Variants in ZBTB7A observed in about 807,000 individuals in gnomAD.
The protein encoded by ZBTB7A is zinc finger and BTB domain-containing protein 7A.
A neutral mutation model predicts 26.7 loss-of-function variants in ZBTB7A; 7 were observed. That is an observed-to-expected ratio of 0.26 (90% CI 0.15 to 0.49). The LOEUF is 0.49. ZBTB7A is among the 20% of genes least tolerant of loss of function. The pLI, the probability that ZBTB7A is intolerant of heterozygous loss-of-function variation, is 0.98. For synonymous variants in ZBTB7A, 452 were observed against 441.0 expected, an observed-to-expected ratio of 1.02 and a Z score of -0.31; for missense variants, 617 against 919.5, an observed-to-expected ratio of 0.67 and a Z score of 4.25.
chr19:4,044,682 T>TTC lies in ZBTB7A; in HGVS notation c.*3068_*3069dup, dbSNP rs1555691444. On this transcript the variant is annotated 3_prime_UTR_variant, in exon 3 of 3. Transcript: ENST00000322357. ...TTCGCATTGTTTTTCTTTTTTTTTT[T>TTC]TCTCTTTTTTTTTTTGTACCAGGCA... 2.1e-5 allele frequency: 3 copies of TTC among 145,358 alleles called. No individual in the cohort carries two copies. The East Asian group carries it at 5.9e-4, about 28-fold the overall frequency. The allele number at this position is 145,358 out of a possible 1,614,324, so 9.0% of individuals were successfully genotyped here.
At position 4,048,563 on chromosome 19, in the gene ZBTB7A, G is replaced by T. The variant is rs67868323; in HGVS notation, c.1263-319C>A. ...GACAAAGTCTAGGCCAGGCGCGGAG[G>T]CTCAGGCCTGAAATCCCAGCACTTT... On this transcript the variant is annotated intron_variant, in intron 2 of 2. Coordinates refer to ENST00000322357, the MANE Select transcript of ZBTB7A (RefSeq NM_015898.4). The surrounding 1 kb of genome is among the most constrained non-coding windows in gnomAD (Gnocchi z 6.7). Among the ~76,000 whole-genome samples, 96,622 of 151,746 alleles carry T rather than the reference G, an allele frequency of 0.64. 33,019 individuals are homozygous for T. The highest frequency in any genetic ancestry group is 0.95 in the East Asian group (4,891 of 5,152).
intron 2 of ZBTB7A, among the ~76,000 whole-genome samples, chr19:4,053,133 A>C (rs1363745687): frequency 3.9e-5 from 6 of 152,128 alleles, no homozygotes; most frequent in Non-Finnish European, 7.4e-5. Context: ...GAAGAGAAGA[A>C]CCAGCCCTCC....
Position 4,043,559 on chromosome 19 carries a change from C to G in ZBTB7A, c.*4193G>C, listed in dbSNP as rs1033565872. 1.3e-5 allele frequency among the ~76,000 whole-genome samples: 2 copies of G among 152,068 alleles called. No individual in the cohort carries two copies. Among genetic ancestry groups the G allele is most frequent in the African/African-American group, 4.8e-5 (2 of 41,484 alleles). ...TACCCTGAGGGCGCCGCCCCGCCCC[C>G]CATTCACCAGGCCTGGCCCCTCCAA... On this transcript the variant is annotated 3_prime_UTR_variant, in exon 3 of 3. Coordinates refer to ENST00000322357, the MANE Select transcript of ZBTB7A (RefSeq NM_015898.4).
intron 1 of ZBTB7A, among the ~76,000 whole-genome samples, chr19:4,064,024 AC>A (rs2040665433): frequency 6.6e-6 from 1 of 151,896 alleles, no homozygotes; most frequent in East Asian, 1.9e-4. Flanking sequence ...ACAAACAAAC[AC>A]CCAGCAGGGA....
rs529208407 is a variant in ZBTB7A at position 4,048,312 on chromosome 19, C to A, written c.1263-68G>T. On this transcript the variant is annotated intron_variant, in intron 2 of 2. Coordinates refer to ENST00000322357, the MANE Select transcript of ZBTB7A (RefSeq NM_015898.4). The surrounding 1 kb of genome is among the most constrained non-coding windows in gnomAD (Gnocchi z 6.7). Reference sequence around the variant, plus strand: ...GACCCCCGATCCCCGCCCAGGGACCCTCACGGACACGGCAGGCCCTGGATC... The same window carrying A: ...GACCCCCGATCCCCGCCCAGGGACCATCACGGACACGGCAGGCCCTGGATC... 2 of 1,480,262 alleles carry A rather than the reference C, an allele frequency of 1.4e-6. No homozygotes were observed. The highest frequency in any genetic ancestry group is 5.4e-5 in the East Asian group (2 of 37,294). The allele number at this position is 1,480,262 out of a possible 1,614,324, so 91.7% of individuals were successfully genotyped here.
At position 4,052,629 on chromosome 19, in the gene ZBTB7A, G is replaced by A. The variant is rs989170805; in HGVS notation, c.1262+1342C>T. Among the ~76,000 whole-genome samples the A allele has an allele frequency of 5.3e-5, 8 of 152,078 alleles. 1 individual carries two copies. The South Asian group carries it at 1.5e-3, about 28-fold the overall frequency. ...GGGGGAACCCCAGGGCGGGCGGGGG[G>A]CAGGGGGTGGTGCTGAGTCACCCAG... On this transcript the variant is annotated intron_variant, in intron 2 of 2. Transcript: ENST00000322357. This position sits in a 1 kb window ranked among gnomAD's most constrained non-coding sequence, Gnocchi z 4.9.
Position 4,047,617 on chromosome 19 carries a change from A to ATC in ZBTB7A, c.*134_*135insGA, listed in dbSNP as rs1367893653. 2.0e-6 allele frequency: 1 copy of ATC among 505,908 alleles called. No homozygotes were observed. Among genetic ancestry groups the ATC allele is most frequent in the Non-Finnish European group, 3.0e-6 (1 of 332,184 alleles). 31.3% of individuals were successfully genotyped at this position (505,908 alleles called of 1,614,324 possible). On this transcript the variant is annotated 3_prime_UTR_variant, in exon 3 of 3. Transcript: ENST00000322357. ...TGACGCGTCATATATATATATCTGT[A>ATC]TATATATATATAGATATAGATATCT...
At chr19:4,066,502 C>T (rs1012671897) in intron 1 of ZBTB7A, among the ~76,000 whole-genome samples, 180 bp downstream of exon 1, 2 of 151,772 alleles carry the variant, frequency 1.3e-5, no homozygotes, top group African/African-American at 4.8e-5. Context: ...TCCCCGCGCT[C>T]GGGATCCAGG....
At position 4,055,283 on chromosome 19, in the gene ZBTB7A, G is replaced by A. The variant is rs538559850; in HGVS notation, c.-15-36C>T. The A allele has an allele frequency of 4.9e-6, 7 of 1,436,432 alleles. No individual in the cohort carries two copies. The East Asian group carries it at 1.5e-4, about 31-fold the overall frequency. The allele number at this position is 1,436,432 out of a possible 1,614,324, so 89.0% of individuals were successfully genotyped here. ...GGGGAAGGAGAGGGCGCTCGTGAGT[G>A]GGGGTGCGGGGGTTCCTGTGCCCAC... On this transcript the variant is annotated intron_variant, in intron 1 of 2. Transcript: ENST00000322357.
At chr19:4,061,179 G>A (rs2040634120) in intron 1 of ZBTB7A, among the ~76,000 whole-genome samples, 2 of 152,222 alleles carry the variant, frequency 1.3e-5, no homozygotes, top group Non-Finnish European at 2.9e-5. Context: ...ACCCCTCACG[G>A]ATGGGAACTT....
rs946239513 is a variant in ZBTB7A, at chr19:4,043,369, G to A, written c.*4383C>T. The stretch of plus-strand genomic sequence containing the variant: ...ATGTACAAGAAAAATGAATTTTTTT[G>A]TTTTTTCATCTTTTGTGTTTTTGTT... On this transcript the variant is annotated 3_prime_UTR_variant, in exon 3 of 3. Transcript: ENST00000322357. 6.7e-6 allele frequency among the ~76,000 whole-genome samples: 1 copy of A among 148,318 alleles called. No homozygotes were observed. Among genetic ancestry groups the A allele is most frequent in the Non-Finnish European group, 1.5e-5 (1 of 67,042 alleles).
chr19:4,060,419 G>GC (rs1461818984), intron 1 of ZBTB7A, among the ~76,000 whole-genome samples: 1 of 152,230 alleles, frequency 6.6e-6, no homozygotes, highest in Non-Finnish European at 1.5e-5. Flanking sequence ...CCGCATTTCG[G>GC]CCCCCTCTGT....
At chr19:4,060,083 C>T (rs1176089503) in intron 1 of ZBTB7A, among the ~76,000 whole-genome samples, 3 of 152,144 alleles carry the variant, frequency 2.0e-5, no homozygotes, top group Non-Finnish European at 2.9e-5. Context: ...TCCTCCCCCG[C>T]GCTGGCCTCC....
intron 1 of ZBTB7A, among the ~76,000 whole-genome samples, chr19:4,064,338 C>T (rs2040669248): frequency 2.0e-5 from 3 of 152,264 alleles, no homozygotes; most frequent in African/African-American, 7.2e-5. Flanking sequence ...CCCCCTTCTC[C>T]CCCAAGCTCT....
chr19:4,053,111 T>C (rs558021646), intron 2 of ZBTB7A, among the ~76,000 whole-genome samples: 1 of 151,944 alleles, frequency 6.6e-6, no homozygotes, highest in South Asian at 2.1e-4. Flanking sequence ...AAGAAAAAAA[T>C]CCAAAAGTGC....
chr19:4,047,739 C>T lies in ZBTB7A; in HGVS notation c.*13G>A. ...TCTCTCTTTCTCGGGTTTCTGTTTT[C>T]TCTTTTTGGTTTTTAGGCGAGTCCG... On this transcript the variant is annotated 3_prime_UTR_variant, in exon 3 of 3. Transcript: ENST00000322357. 3 of 1,583,880 alleles carry T rather than the reference C, an allele frequency of 1.9e-6. No individual in the cohort carries two copies. The highest frequency in any genetic ancestry group is 1.8e-5 in the Admixed American group (1 of 55,076).
chr19:4,054,779 G>A lies in ZBTB7A; in HGVS notation c.454C>T (p.Arg152Cys). 6.3e-7 allele frequency: 1 copy of A among 1,580,126 alleles called. No homozygotes were observed. The highest frequency in any genetic ancestry group is 8.6e-7 in the Non-Finnish European group (1 of 1,162,622). ...TACTCCTTGGCGCGGAGGAGGTTGC[G>A]CTGATCAATTTGATCTACAAGGTCC... is the stretch of plus-strand genomic sequence containing the variant. ...QLDLVDQIDQ[R>C]NLLRAKEYLE... is the part of the protein sequence containing the mutation. The change falls in exon 2 of 3, where the codon CGC (arginine) becomes TGC (cysteine). Residue 152 changes from arginine (R) to cysteine (C), a missense_variant. Arg to Cys is a radical substitution (Grantham distance 180). Coordinates refer to ENST00000322357, the MANE Select transcript of ZBTB7A (RefSeq NM_015898.4).
intron 1 of ZBTB7A, among the ~76,000 whole-genome samples, chr19:4,060,586 C>A (rs757815082): frequency 6.6e-6 from 1 of 152,224 alleles, no homozygotes; most frequent in Non-Finnish European, 1.5e-5. Context: ...TCGGAAGCAC[C>A]CTGACGTGGC....
intron 2 of ZBTB7A, among the ~76,000 whole-genome samples, chr19:4,051,735 G>A (rs1326393804): frequency 6.6e-6 from 1 of 152,268 alleles, no homozygotes; most frequent in African/African-American, 2.4e-5. Flanking sequence ...CGGGGTCACA[G>A]AGGGGATGGC....
Sources: allele counts gnomAD v4.1 joint callset (sites outside exome capture counted in the v4.1 genomes callset), GRCh38; gene constraint gnomAD v4.1.1; non-coding constraint Gnocchi (gnomAD v3.1); transcripts MANE v1.5; gene names NCBI Gene and HGNC (gene_info 2026-07-23, HGNC 2026-07-21).